Variants in HCN1 observed in about 807,000 individuals in gnomAD.
The protein encoded by HCN1 is potassium/sodium hyperpolarization-activated cyclic nucleotide-gated channel 1.
Under a neutral mutation model 78.9 loss-of-function variants are expected in HCN1, and 13 were observed. That is an observed-to-expected ratio of 0.16 (90% CI 0.11 to 0.26). HCN1 has a LOEUF of 0.26. HCN1 is among the 10% of genes least tolerant of loss of function. The pLI is 1.00. For missense variants in HCN1, 810 were observed against 1,154.3 expected (o/e 0.70, Z 4.32); for synonymous variants, 552 against 455.5 (o/e 1.21, Z -2.70).
At chr5:45,512,446 G>T (rs992273491) in intron 2 of HCN1, among the ~76,000 whole-genome samples, 3 of 151,990 alleles carry the variant, frequency 2.0e-5, no homozygotes, top group Non-Finnish European at 4.4e-5. Context: ...GCCCCATAGG[G>T]CTACTTTCCA....
chr5:45,375,339 A>ATATATATAATATAATATTTTATGATATAC (rs1747599932), intron 4 of HCN1, among the ~76,000 whole-genome samples: 1 of 124,050 alleles, frequency 8.1e-6, no homozygotes, highest in Non-Finnish European at 1.6e-5. Context: ...ATGATATACA[A>ATATATATAATATAATATTTTATGATATAC]TATATATAAT....
chr5:45,417,107 T>C (rs780199852), intron 3 of HCN1, among the ~76,000 whole-genome samples: 3 of 151,940 alleles, frequency 2.0e-5, no homozygotes, highest in Middle Eastern at 3.2e-3. Flanking sequence ...CATTCAGATG[T>C]GGTTTTCTCT....
chr5:45,299,339 G>C (rs1485278137), intron 6 of HCN1, among the ~76,000 whole-genome samples: 2 of 151,920 alleles, frequency 1.3e-5, no homozygotes, highest in Non-Finnish European at 2.9e-5. Context: ...TAAATATAAA[G>C]CCCCTGTAAT....
chr5:45,512,387 T>C (rs1022576718), intron 2 of HCN1, among the ~76,000 whole-genome samples: 3 of 152,106 alleles, frequency 2.0e-5, no homozygotes, highest in African/African-American at 7.2e-5. Flanking sequence ...TTTTACTTTT[T>C]TTCTAGTTGA....
intron 2 of HCN1, among the ~76,000 whole-genome samples, chr5:45,549,189 G>C (rs1472668358): frequency 6.6e-6 from 1 of 152,134 alleles, no homozygotes; most frequent in Non-Finnish European, 1.5e-5. Flanking sequence ...GCATTGCCAT[G>C]TCAATCCTAA....
intron 2 of HCN1, among the ~76,000 whole-genome samples, chr5:45,531,297 A>G (rs146149837): frequency 6.6e-6 from 1 of 152,102 alleles, no homozygotes; most frequent in Non-Finnish European, 1.5e-5. Flanking sequence ...TTCTTTTCTC[A>G]TATCTCCTTC....
chr5:45,458,900 T>C (rs1385265880), intron 3 of HCN1, among the ~76,000 whole-genome samples: 1 of 152,134 alleles, frequency 6.6e-6, no homozygotes, highest in Non-Finnish European at 1.5e-5. Context: ...AGGGTGCTTT[T>C]GTTCTCATAT....
At chr5:45,554,897 G>C (rs1222996311) in intron 2 of HCN1, among the ~76,000 whole-genome samples, 1 of 151,768 alleles carries the variant, frequency 6.6e-6, no homozygotes, top group Non-Finnish European at 1.5e-5. Flanking sequence ...GAGATTCATG[G>C]AGGCTCAGAA....
intron 7 of HCN1, among the ~76,000 whole-genome samples, chr5:45,266,497 T>G (rs1396372318): frequency 6.6e-6 from 1 of 152,164 alleles, no homozygotes; most frequent in Non-Finnish European, 1.5e-5. Context: ...ATCTAGAATT[T>G]TTATCATTGC....
rs572800012 is a variant in HCN1, at chr5:45,667,307, T to TAG, written c.426-21701_426-21700dup. ...AGAGACCCATGCTGGTCCTGGTGGG[T>TAG]AGAAGCTCCCAGTCTCATAATTGTT... On this transcript the variant is annotated intron_variant, in intron 1 of 7. Transcript: ENST00000303230. Among the ~76,000 whole-genome samples the TAG allele has an allele frequency of 3.9e-5, 6 of 151,988 alleles. No homozygotes were observed. The South Asian group carries it at 1.2e-3, about 32-fold the overall frequency.
At chr5:45,584,287 C>T (rs996374218) in intron 2 of HCN1, among the ~76,000 whole-genome samples, 5 of 151,282 alleles carry the variant, frequency 3.3e-5, no homozygotes, top group African/African-American at 9.7e-5. Context: ...TATGTAATGG[C>T]CTTCTTTGTC....
At chr5:45,653,833 T>G (rs1013690247) in intron 1 of HCN1, among the ~76,000 whole-genome samples, 11 of 152,160 alleles carry the variant, frequency 7.2e-5, no homozygotes, top group African/African-American at 2.6e-4. Flanking sequence ...GACGAGTTAG[T>G]GGGTGCAGCG....
At chr5:45,688,311 TA>T (rs1241618879) in intron 1 of HCN1, among the ~76,000 whole-genome samples, 1 of 152,100 alleles carries the variant, frequency 6.6e-6, no homozygotes. Flanking sequence ...GTGACAAAAT[TA>T]ATATTCACAA....
At chr5:45,656,682 T>A (rs931166167) in intron 1 of HCN1, among the ~76,000 whole-genome samples, 8 of 152,192 alleles carry the variant, frequency 5.3e-5, no homozygotes, top group African/African-American at 1.7e-4. Context: ...GTCTTTGCTT[T>A]CCCAATTAAA....
intron 2 of HCN1, among the ~76,000 whole-genome samples, chr5:45,533,607 A>T (rs1489010847): frequency 6.6e-6 from 1 of 152,228 alleles, no homozygotes; most frequent in Non-Finnish European, 1.5e-5. Flanking sequence ...TTCTGTAAGA[A>T]ATAGAAAGTG....
chr5:45,410,852 G>A (rs191806420), intron 3 of HCN1, among the ~76,000 whole-genome samples: 135 of 152,106 alleles, frequency 8.9e-4, no homozygotes, highest in African/African-American at 2.7e-3. Flanking sequence ...AGTATGAAAG[G>A]CTTCTGTGTC....
At chr5:45,567,616 C>CA (rs1323147986) in intron 2 of HCN1, among the ~76,000 whole-genome samples, 3 of 134,554 alleles carry the variant, frequency 2.2e-5, no homozygotes, top group Non-Finnish European at 4.7e-5. Context: ...GAGTTATATA[C>CA]AGTTCAAAAA....
At chr5:45,301,810 C>G (rs1038514346) in intron 6 of HCN1, among the ~76,000 whole-genome samples, 5 of 150,382 alleles carry the variant, frequency 3.3e-5, no homozygotes, top group African/African-American at 1.2e-4. Flanking sequence ...CTTTAATGCC[C>G]TAAGAAAAAA....
rs1219402011 is a variant in HCN1 at position 45,663,006 on chromosome 5, C to T, written c.426-17398G>A. On this transcript the variant is annotated intron_variant, in intron 1 of 7. Coordinates refer to ENST00000303230, the MANE Select transcript of HCN1 (RefSeq NM_021072.4). ...AAGAGCCCGCATCGCCAAGTCAATCCTAAGCCAAAAGAACAAAGCTGGAGG... is the reference window on the plus strand; with the variant it reads ...AAGAGCCCGCATCGCCAAGTCAATCTTAAGCCAAAAGAACAAAGCTGGAGG... 4.4e-5 allele frequency among the ~76,000 whole-genome samples: 6 copies of T among 136,064 alleles called. No homozygotes were observed. In the East Asian group the frequency reaches 1.4e-3, roughly 31 times the overall value. The allele number at this position is 136,064 out of a possible 152,430, so 89.3% of individuals were successfully genotyped here. A position where few individuals can be genotyped will look rare whatever the true frequency, so the allele number is the denominator to read the frequency against.
Sources: gnomAD v4.1 joint callset for allele counts (sites outside exome capture counted in the v4.1 genomes callset) on GRCh38, gnomAD v4.1.1 for gene constraint, MANE v1.5 for transcripts, NCBI Gene and HGNC (gene_info 2026-07-23, HGNC 2026-07-21) for gene names.